The following ECT2 variants were observed in gnomAD, a reference collection of about 807,000 sequenced individuals.
The protein encoded by ECT2 is protein ECT2.
ECT2 carries 61 observed loss-of-function variants against 116.9 expected under a neutral mutation model. The observed-to-expected ratio is 0.52, with a 90% CI of 0.42 to 0.65. The LOEUF (loss-of-function observed/expected upper bound fraction) is 0.65, where lower values mean the gene tolerates loss of function less well. Among genes scored for constraint, ECT2 ranks in the 30% least tolerant of loss-of-function variants. ECT2 has a pLI of 0.00. For synonymous variants in ECT2, 358 were observed against 346.4 expected (o/e 1.03, Z -0.37); for missense variants, 937 against 1,078.7 (o/e 0.87, Z 1.84).
intron 7 of ECT2, 76 bp downstream of exon 7, chr3:172,760,339 ATCT>A: frequency 1.3e-6 from 1 of 752,822 alleles, no homozygotes; most frequent in Non-Finnish European, 2.1e-6. Context: ...GCAGTCTTTT[ATCT>A]ATTTCTTTCA....
At chr3:172,815,336 T>A (rs1347101218) in intron 22 of ECT2, among the ~76,000 whole-genome samples, 3 of 152,174 alleles carry the variant, frequency 2.0e-5, no homozygotes, top group Non-Finnish European at 4.4e-5. Context: ...AATTTCTAAC[T>A]TGTTTCAGAG....
At position 172,776,198 on chromosome 3, in the gene ECT2, C is replaced by CTTTTTTTT. The variant is rs60558773; in HGVS notation, c.1548+2192_1548+2199dup. 8.5e-3 allele frequency among the ~76,000 whole-genome samples: 950 copies of CTTTTTTTT among 111,418 alleles called. 2 individuals carry two copies. The highest frequency in any genetic ancestry group is 0.011 in the Non-Finnish European group (592 of 55,086). 73.1% of individuals were successfully genotyped at this position (111,418 alleles called of 152,430 possible). On this transcript the variant is annotated intron_variant, in intron 14 of 24. Coordinates refer to ENST00000392692, the MANE Select transcript of ECT2 (RefSeq NM_001258315.2). ...TCAACTATTAGTTTTTCAGTTTTTT[C>CTTTTTTTT]TTTTTTTTTTTTTTTTTTTTTTTGT...
chr3:172,811,212 T>G (rs1262498354), intron 22 of ECT2, among the ~76,000 whole-genome samples: 1 of 151,970 alleles, frequency 6.6e-6, no homozygotes, highest in African/African-American at 2.4e-5. Flanking sequence ...CTTCGTTGTT[T>G]GTTTTTAAAG....
At chr3:172,786,340 G>A (rs1232623694) in intron 17 of ECT2, among the ~76,000 whole-genome samples, 153 bp from the exon 18 acceptor site, 1 of 152,152 alleles carries the variant, frequency 6.6e-6, no homozygotes, top group African/African-American at 2.4e-5. Flanking sequence ...TGTAATAAGA[G>A]AGCTTTTTAG....
At chr3:172,828,797 C>G in the ECT2 span, 544,308 of 693,572 alleles carry the variant, frequency 0.78, 215,447 homozygotes, top group East Asian at 0.86. Flanking sequence ...CTCAGACAGG[C>G]CAACGCCCAG....
chr3:172,816,669 C>G (rs1729773780), intron 23 of ECT2, 22 bp from the exon 24 acceptor site: 1 of 1,562,546 alleles, frequency 6.4e-7, no homozygotes. Flanking sequence ...CTAGGTTTAA[C>G]TAATTGTAAC....
intron 4 of ECT2, 39 bp from the exon 5 acceptor site, chr3:172,756,944 A>G: frequency 3.4e-6 from 5 of 1,492,156 alleles, no homozygotes; most frequent in South Asian, 1.3e-5. Flanking sequence ...TATTTGATAT[A>G]TAAATAATTT....
intron 15 of ECT2, among the ~76,000 whole-genome samples, chr3:172,783,541 C>T (rs6793456): frequency 6.6e-6 from 1 of 151,912 alleles, no homozygotes; most frequent in Admixed American, 6.6e-5. Context: ...TCAATACAAT[C>T]AGCTTTAACA....
chr3:172,816,938 A>C, intron 24 of ECT2, 101 bp downstream of exon 24: 1 of 937,644 alleles, frequency 1.1e-6, no homozygotes, highest in Non-Finnish European at 1.5e-6. Context: ...ATTTTAAAAA[A>C]ATTTTAATAA....
intron 22 of ECT2, among the ~76,000 whole-genome samples, chr3:172,814,428 C>T (rs555933934): frequency 2.2e-4 from 33 of 151,720 alleles, no homozygotes; most frequent in South Asian, 8.4e-4. Flanking sequence ...TCTCTGTCAC[C>T]ACAGAATGAA....
At chr3:172,781,577 T>C (rs1722704531) in intron 14 of ECT2, among the ~76,000 whole-genome samples, 1 of 152,190 alleles carries the variant, frequency 6.6e-6, no homozygotes, top group Non-Finnish European at 1.5e-5. Flanking sequence ...TGTTTGTTTA[T>C]TATAAAGCTT....
chr3:172,798,321 T>G (rs1726101603), intron 18 of ECT2, among the ~76,000 whole-genome samples: 1 of 152,174 alleles, frequency 6.6e-6, no homozygotes, highest in Non-Finnish European at 1.5e-5. Flanking sequence ...CACCAGCTTT[T>G]TAAACTATGG....
chr3:172,751,479 A>G (rs4395425), intron 1 of ECT2, among the ~76,000 whole-genome samples: 4,840 of 152,296 alleles, frequency 0.032, 163 homozygotes, highest in East Asian at 0.16. Context: ...CATTGAAAAT[A>G]ATAATAGTAC....
chr3:172,812,511 A>G (rs536959492), intron 22 of ECT2, among the ~76,000 whole-genome samples: 104 of 152,286 alleles, frequency 6.8e-4, no homozygotes, highest in African/African-American at 2.5e-3. Context: ...AAAAAGTCAT[A>G]AGTTTACCAA....
intron 18 of ECT2, among the ~76,000 whole-genome samples, chr3:172,790,196 A>G (rs1724404956): frequency 6.6e-6 from 1 of 152,166 alleles, no homozygotes; most frequent in African/African-American, 2.4e-5. Context: ...TTAAATGGCA[A>G]CCCAGATGGT....
Position 172,782,158 on chromosome 3 carries a change from T to C in ECT2, c.1549-5T>C. The C allele has an allele frequency of 6.5e-7, 1 of 1,549,096 alleles. No homozygotes were observed. The highest frequency in any genetic ancestry group is 1.2e-5 in the South Asian group (1 of 80,716). On this transcript the variant is annotated splice_polypyrimidine_tract_variant and splice_region_variant and intron_variant, in intron 14 of 24. Coordinates refer to ENST00000392692, the MANE Select transcript of ECT2 (RefSeq NM_001258315.2). The stretch of plus-strand genomic sequence containing the variant: ...TTTTAAATATTTCAATTCGTGCTAT[T>C]TCAGGATGATCTTGAAGACCTTATA...
At chr3:172,786,417 A>G (rs1723615469) in intron 17 of ECT2, 76 bp from the exon 18 acceptor site, 1 of 908,108 alleles carries the variant, frequency 1.1e-6, no homozygotes, top group Non-Finnish European at 1.7e-6. Flanking sequence ...AGCTGTATCA[A>G]GATGGACAGC....
intron 22 of ECT2, among the ~76,000 whole-genome samples, chr3:172,808,547 C>G (rs1004420616): frequency 4.6e-5 from 7 of 152,102 alleles, no homozygotes; most frequent in African/African-American, 1.7e-4. Flanking sequence ...AGTTAAATGA[C>G]TTGCCTGAAA....
At chr3:172,776,191 GTTTTTTCTT>G (rs1380092553) in intron 14 of ECT2, among the ~76,000 whole-genome samples, 3,515 of 106,556 alleles carry the variant, frequency 0.033, 65 homozygotes, top group East Asian at 0.16. Flanking sequence ...TAGTTTTTCA[GTTTTTTCTT>G]TTTTTTTTTT....
Sources: gnomAD v4.1 joint callset for allele counts (sites outside exome capture counted in the v4.1 genomes callset) on GRCh38, gnomAD v4.1.1 for gene constraint, MANE v1.5 for transcripts, NCBI Gene and HGNC (gene_info 2026-07-23, HGNC 2026-07-21) for gene names.